The following SLC11A1 variants were observed in gnomAD, a reference collection of about 807,000 sequenced individuals.
The protein encoded by SLC11A1 is natural resistance-associated macrophage protein 1.
In SLC11A1, 59 loss-of-function variants were observed where a neutral mutation model predicts 63.2. The observed-to-expected ratio is 0.93, with a 90% CI of 0.76 to 1.16. SLC11A1 has a LOEUF of 1.16. Among genes scored for constraint, SLC11A1 ranks in the 50% most tolerant of loss-of-function variants. The pLI is 0.00. For synonymous variants in SLC11A1, 305 were observed against 307.8 expected (o/e 0.99, Z 0.09); for missense variants, 688 against 730.7 (o/e 0.94, Z 0.67).
intron 2 of SLC11A1, 136 bp downstream of exon 2, chr2:218,383,238 G>A (rs1695900682): frequency 9.8e-6 from 9 of 922,638 alleles, no homozygotes; most frequent in Non-Finnish European, 1.4e-5. Flanking sequence ...GGTGGACAGT[G>A]GCAACTGCCC....
Position 218,395,275 on chromosome 2 carries a change from A to G in SLC11A1, c.*240A>G. On this transcript the variant is annotated 3_prime_UTR_variant, in exon 15 of 15. Coordinates refer to ENST00000233202, the MANE Select transcript of SLC11A1 (RefSeq NM_000578.4). ...CCATGGAGGTTAAGCACTTTAACAC[A>G]GTGTCTGGCACTTGGGACAAAAACA... The G allele has an allele frequency of 1.9e-6, 1 of 525,618 alleles. No homozygotes were observed. Among genetic ancestry groups the G allele is most frequent in the Non-Finnish European group, 3.4e-6 (1 of 293,662 alleles). The allele number at this position is 525,618 out of a possible 1,614,324, so 32.6% of individuals were successfully genotyped here. A position where few individuals can be genotyped will look rare whatever the true frequency, so the allele number is the denominator to read the frequency against.
chr2:218,395,018 G>C lies in SLC11A1; in HGVS notation c.1636G>C (p.Gly546Arg). ...LYGLLEEDQK[G>R]ETSG Reference sequence around the variant, plus strand: ...TGGGCTCCTTGAAGAGGACCAGAAAGGGGAGACCTCTGGCTAGGCCCACAC... The same window carrying C: ...TGGGCTCCTTGAAGAGGACCAGAAACGGGAGACCTCTGGCTAGGCCCACAC... Residue 546 changes from glycine (G) to arginine (R), a missense_variant, in exon 15 of 15, where the codon GGG (glycine) becomes CGG (arginine). By Grantham distance (125) the Gly-to-Arg change is moderately radical. Transcript: ENST00000233202. 6.2e-7 allele frequency: 1 copy of C among 1,607,448 alleles called. No individual in the cohort carries two copies.
chr2:218,385,014 C>T (rs1252307763), intron 3 of SLC11A1, 133 bp from the exon 4 acceptor site: 10 of 1,203,744 alleles, frequency 8.3e-6, no homozygotes, highest in Non-Finnish European at 1.0e-5. Context: ...GAGCTACCAG[C>T]GCCCAGCCAG....
rs934807160 is a variant in SLC11A1, at chr2:218,389,807, G to A, written c.796-63G>A. ...TTGGGGAGAACATAGAAGTGTGAGG[G>A]TGGGGGACACTGTGGTGGCTCTGAG... On this transcript the variant is annotated intron_variant, in intron 8 of 14. Coordinates refer to ENST00000233202, the MANE Select transcript of SLC11A1 (RefSeq NM_000578.4). The A allele has an allele frequency of 2.0e-5, 31 of 1,527,252 alleles. No individual in the cohort carries two copies. In the African/African-American group the frequency reaches 2.6e-4, roughly 13 times the overall value. The allele number at this position is 1,527,252 out of a possible 1,614,324, so 94.6% of individuals were successfully genotyped here.
chr2:218,394,856 T>TG (rs749098356), intron 14 of SLC11A1, 69 bp from the exon 15 acceptor site: 1 of 1,607,432 alleles, frequency 6.2e-7, no homozygotes. Context: ...GGGGAGGGTT[T>TG]GGGGGGACAC....
At chr2:218,385,392 G>A (rs1559117053) in intron 4 of SLC11A1, 126 bp downstream of exon 4, 5 of 1,443,570 alleles carry the variant, frequency 3.5e-6, no homozygotes, top group Non-Finnish European at 3.9e-6. Context: ...TGTTTTTGTT[G>A]TTGTTTGTTT....
intron 9 of SLC11A1, among the ~76,000 whole-genome samples, chr2:218,390,311 G>A (rs752490496): frequency 6.6e-5 from 10 of 151,850 alleles, no homozygotes; most frequent in Non-Finnish European, 1.3e-4. Context: ...CCCAAGGGAA[G>A]TACAGAGTGG....
intron 8 of SLC11A1, chr2:218,388,229 G>T: frequency 2.5e-6 from 1 of 393,436 alleles, no homozygotes. Context: ...CTAGCTGGGC[G>T]TGGTGGCGCG....
chr2:218,387,475 T>C (rs1696165487), intron 6 of SLC11A1, 90 bp from the exon 7 acceptor site: 4 of 1,354,482 alleles, frequency 3.0e-6, no homozygotes, highest in African/African-American at 1.4e-5. Flanking sequence ...GCACTGTGCC[T>C]AGAAGCGCTC....
intron 2 of SLC11A1, chr2:218,383,369 G>A (rs1695907816): frequency 2.1e-6 from 1 of 472,812 alleles, no homozygotes; most frequent in Non-Finnish European, 3.8e-6. Context: ...AGGGGGAATT[G>A]GGATTGGAGC....
In SLC11A1 at chr2:218,395,065, A is replaced by G; in HGVS notation, c.*30A>G. On this transcript the variant is annotated 3_prime_UTR_variant, in exon 15 of 15. Transcript: ENST00000233202. ...ACACCAGGGCCTGGCTGGGAGTGGC[A>G]TGTATGACGTGACTGGCCTGCTGGA... 6.6e-7 allele frequency: 1 copy of G among 1,516,080 alleles called. No homozygotes were observed. Among genetic ancestry groups the G allele is most frequent in the African/African-American group, 1.4e-5 (1 of 72,514 alleles). 93.9% of individuals were successfully genotyped at this position (1,516,080 alleles called of 1,614,324 possible).
rs1220140942 is a variant in SLC11A1, at chr2:218,387,825, G to A, written c.665G>A (p.Gly222Glu). 10 of 1,605,514 alleles carry A rather than the reference G, an allele frequency of 6.2e-6. No homozygotes were observed. Among genetic ancestry groups the A allele is most frequent in the Admixed American group, 1.7e-5 (1 of 57,734 alleles). ...TATGTGGTGGCGCGTCCTGAGCAGG[G>A]AGCGCTTCTTCGGGGCCTGTTCCTG... Reference protein sequence around the residue: ...YEYVVARPEQGALLRGLFLPS... With the variant: ...YEYVVARPEQEALLRGLFLPS... Residue 222 changes from glycine (G) to glutamate (E), a missense_variant, in exon 8 of 15, where the codon GGA becomes GAA. Transcript: ENST00000233202.
At chr2:218,389,784 G>C (rs1696322836) in intron 8 of SLC11A1, 86 bp from the exon 9 acceptor site, 1 of 1,418,540 alleles carries the variant, frequency 7.0e-7, no homozygotes, top group African/African-American at 1.4e-5. Context: ...ACTGGGCTTT[G>C]GGGAGAACAT....
At chr2:218,391,592 TTTC>T (rs2106336813) in intron 11 of SLC11A1, 97 bp downstream of exon 11, 4 of 1,293,842 alleles carry the variant, frequency 3.1e-6, no homozygotes, top group Non-Finnish European at 4.1e-6. Flanking sequence ...CCTCTTTTCT[TTTC>T]TTTCTTTTCT....
At position 218,387,878 on chromosome 2, in the gene SLC11A1, G is replaced by T. The variant is rs752049505; in HGVS notation, c.718G>T (p.Glu240Ter). Residue 240 changes from glutamate to a stop codon, truncating the protein, a stop_gained, in exon 8 of 15, where the codon GAG becomes TAG. Transcript: ENST00000233202. LOFTEE classifies it high-confidence loss of function. The stretch of plus-strand genomic sequence containing the variant: ...CTCGTGCCCGGGCTGCGGCCACCCC[G>T]AGCTGCTGCAGGCGGTGGGCATTGT... The part of the protein sequence containing the change: ...LPSCPGCGHP[E>*]LLQAVGIVGA... 6 of 1,603,826 alleles carry T rather than the reference G, an allele frequency of 3.7e-6. No homozygotes were observed. In the African/African-American group the frequency reaches 6.7e-5, roughly 18 times the overall value.
rs371722637 is a variant in SLC11A1 at position 218,391,440 on chromosome 2, C to A, written c.1109C>A (p.Ala370Glu). The change falls in exon 11 of 15, where the codon GCG becomes GAG. Residue 370 changes from alanine to glutamate, a missense_variant. Ala to Glu is a moderately radical substitution (Grantham distance 107, BLOSUM62 -1). Transcript: ENST00000233202. ...TACATCTGGGCCATAGGTCTCCTGG[C>A]GGCTGGGCAGAGCTCCACCATGACG... Reference protein sequence around the residue: ...ALYIWAIGLLAAGQSSTMTGT... With the variant: ...ALYIWAIGLLEAGQSSTMTGT... The A allele has an allele frequency of 2.5e-5, 41 of 1,613,288 alleles. No homozygotes were observed. Among genetic ancestry groups the A allele is most frequent in the East Asian group, 8.9e-5 (4 of 44,864 alleles).
chr2:218,390,079 G>C (rs369357104), intron 9 of SLC11A1, 51 bp downstream of exon 9: 2 of 1,564,568 alleles, frequency 1.3e-6, no homozygotes, highest in Non-Finnish European at 1.7e-6. Flanking sequence ...CTCATGTCCT[G>C]TAAGCCTTGC....
In SLC11A1 at chr2:218,392,250, G is replaced by A; in HGVS notation, c.1165-731G>A. 1.2e-5 allele frequency: 3 copies of A among 243,526 alleles called. 1 individual carries two copies. The highest frequency in any genetic ancestry group is 1.0e-4 in the South Asian group (3 of 29,304). 15.1% of individuals were successfully genotyped at this position (243,526 alleles called of 1,614,324 possible). ...CAGCTAATTTTGTATTTTCAGTAAA[G>A]ACGGGGTTTCTCCATGTTGGTCAGG... On this transcript the variant is annotated intron_variant, in intron 11 of 14. Transcript: ENST00000233202.
rs1696014089 is a variant in SLC11A1 at position 218,385,133 on chromosome 2, C to T, written c.274-14C>T. 2 of 1,613,136 alleles carry T rather than the reference C, an allele frequency of 1.2e-6. No individual in the cohort carries two copies. Among genetic ancestry groups the T allele is most frequent in the African/African-American group, 2.7e-5 (2 of 74,924 alleles). ...GGCCTCTCTGGCTGAAGGCCTCTCC[C>T]TGCCTCCTCACAGCTTCTCTGGGTG... is the stretch of plus-strand genomic sequence containing the variant. On this transcript the variant is annotated splice_polypyrimidine_tract_variant and intron_variant, in intron 3 of 14. Coordinates refer to ENST00000233202, the MANE Select transcript of SLC11A1 (RefSeq NM_000578.4).
Sources: gnomAD v4.1 joint callset for allele counts (sites outside exome capture counted in the v4.1 genomes callset) on GRCh38, gnomAD v4.1.1 for gene constraint, MANE v1.5 for transcripts, NCBI Gene and HGNC (gene_info 2026-07-23, HGNC 2026-07-21) for gene names.